The following NEBL variants were observed in gnomAD, a reference collection of about 807,000 sequenced individuals.
NEBL encodes the protein nebulette, also known as LIM and SH3 protein 2.
A neutral mutation model predicts 140.2 loss-of-function variants in NEBL; 122 were observed. The observed-to-expected ratio is 0.87, with a 90% CI of 0.75 to 1.01. The LOEUF (loss-of-function observed/expected upper bound fraction) is 1.01, where lower values mean the gene tolerates loss of function less well. NEBL is among the 50% of genes least tolerant of loss of function. The pLI, the probability that NEBL is intolerant of heterozygous loss-of-function variation, is 0.00. For missense variants in NEBL, 1,365 were observed against 1,231.3 expected (o/e 1.11, Z -1.62); for synonymous variants, 436 against 398.9 (o/e 1.09, Z -1.11).
rs895434593 is a variant in NEBL at position 20,780,373 on chromosome 10, G to A, written c.*5374C>T. 6.6e-6 allele frequency: 1 copy of A among 152,144 alleles called. No homozygotes were observed. The highest frequency in any genetic ancestry group is 1.5e-5 in the Non-Finnish European group (1 of 68,032). The allele number at this position is 152,144 out of a possible 1,614,324, so 9.4% of individuals were successfully genotyped here. Reference sequence around the variant, plus strand: ...AAATTAACTACAATGATGCATTGTTGCGGTACTTTGATATAAAATCAGAAA... The same window carrying A: ...AAATTAACTACAATGATGCATTGTTACGGTACTTTGATATAAAATCAGAAA... On this transcript the variant is annotated 3_prime_UTR_variant, in exon 28 of 28. Coordinates refer to ENST00000377122, the MANE Select transcript of NEBL (RefSeq NM_006393.3).
At chr10:21,144,240 C>G (rs759483178) in intron 2 of NEBL, among the ~76,000 whole-genome samples, 3 of 152,174 alleles carry the variant, frequency 2.0e-5, no homozygotes, top group Admixed American at 1.3e-4. Flanking sequence ...CACTTTTTCC[C>G]AGGATTAGGT....
chr10:20,861,283 T>C (rs1004831714), intron 7 of NEBL, among the ~76,000 whole-genome samples: 4 of 152,136 alleles, frequency 2.6e-5, no homozygotes, highest in Non-Finnish European at 4.4e-5. Flanking sequence ...GTTCACGCCA[T>C]TCTCCTGCCT....
At chr10:21,163,032 G>A (rs533300011) in intron 2 of NEBL, among the ~76,000 whole-genome samples, 1 of 152,296 alleles carries the variant, frequency 6.6e-6, no homozygotes, top group South Asian at 2.1e-4. Flanking sequence ...TTAATCCTAA[G>A]AGATAGAGTC....
At chr10:20,811,531 T>G (rs1183791356) in intron 24 of NEBL, among the ~76,000 whole-genome samples, 3 of 152,228 alleles carry the variant, frequency 2.0e-5, no homozygotes, top group Admixed American at 2.0e-4. Flanking sequence ...AGTAATCAAC[T>G]CAGGCAGATC....
chr10:20,984,217 GTGTA>G (rs1380178458), intron 3 of NEBL, among the ~76,000 whole-genome samples: 2 of 151,648 alleles, frequency 1.3e-5, no homozygotes, highest in African/African-American at 4.8e-5. Flanking sequence ...TATCAAACTT[GTGTA>G]TGCTACATTG....
intron 2 of NEBL, among the ~76,000 whole-genome samples, chr10:21,050,104 T>C (rs1276846084): frequency 6.6e-6 from 1 of 152,202 alleles, no homozygotes; most frequent in Non-Finnish European, 1.5e-5. Context: ...TAATTCAACC[T>C]TATAAACTGC....
intron 1 of NEBL, among the ~76,000 whole-genome samples, chr10:21,288,560 G>A (rs1310577954): frequency 1.4e-5 from 2 of 146,872 alleles, no homozygotes; most frequent in East Asian, 2.1e-4. Flanking sequence ...CAGGAGTTCA[G>A]GACCAGCCTG....
chr10:21,166,219 C>CAAAAAAA (rs1170225891), intron 2 of NEBL, among the ~76,000 whole-genome samples: 21 of 35,330 alleles, frequency 5.9e-4, no homozygotes, highest in South Asian at 1.3e-3. Context: ...GACTGTGTCT[C>CAAAAAAA]AAAAAAAAAA....
chr10:21,075,941 C>G (rs149830160), intron 2 of NEBL, among the ~76,000 whole-genome samples: 29 of 152,144 alleles, frequency 1.9e-4, no homozygotes, highest in Middle Eastern at 3.4e-3. Context: ...TGTTCTACAT[C>G]AAGAATCATT....
At chr10:20,819,060 T>C (rs1207371749) in intron 20 of NEBL, 1 of 1,036,546 alleles carries the variant, frequency 9.6e-7, no homozygotes, top group Non-Finnish European at 1.2e-6. Flanking sequence ...GTTGCTCAAA[T>C]TCATTTTCTT....
intron 2 of NEBL, among the ~76,000 whole-genome samples, chr10:21,035,605 C>T (rs186324008): frequency 3.4e-4 from 52 of 152,182 alleles, no homozygotes; most frequent in African/African-American, 1.2e-3. Context: ...GTGTTCAGTG[C>T]CTTGAATCAG....
chr10:20,953,952 T>C (rs1316812492), intron 4 of NEBL, among the ~76,000 whole-genome samples: 1 of 149,618 alleles, frequency 6.7e-6, no homozygotes, highest in Non-Finnish European at 1.5e-5. Flanking sequence ...CTTGCTCCAC[T>C]ATGGCAGATA....
intron 2 of NEBL, among the ~76,000 whole-genome samples, chr10:21,156,828 A>T (rs549476359): frequency 2.6e-5 from 4 of 152,244 alleles, no homozygotes. Context: ...ATAAATCTTC[A>T]CACTAGAATC....
At chr10:20,937,645 G>A (rs550546928) in intron 4 of NEBL, among the ~76,000 whole-genome samples, 28 of 152,244 alleles carry the variant, frequency 1.8e-4, no homozygotes, top group East Asian at 1.7e-3. Flanking sequence ...GTGAGGCATC[G>A]CCTCACCCAG....
intron 2 of NEBL, among the ~76,000 whole-genome samples, chr10:21,097,952 A>G (rs538379746): frequency 2.6e-5 from 4 of 152,302 alleles, no homozygotes; most frequent in African/African-American, 9.6e-5. Context: ...TACTGCTGTA[A>G]TTTGTGACCC....
chr10:21,146,539 A>G (rs1839904133), intron 2 of NEBL: 1 of 1,573,546 alleles, frequency 6.4e-7, no homozygotes, highest in African/African-American at 1.4e-5. Context: ...AAATGGTGAA[A>G]ATGGTGCTGT....
At chr10:21,289,466 T>G (rs1353257620) in intron 1 of NEBL, among the ~76,000 whole-genome samples, 1 of 152,262 alleles carries the variant, frequency 6.6e-6, no homozygotes, top group African/African-American at 2.4e-5. Flanking sequence ...TTTGGAATTG[T>G]GCCCTTGGCT....
At chr10:20,841,457 C>T (rs1841404511) in intron 12 of NEBL, 1 of 152,872 alleles carries the variant, frequency 6.5e-6, no homozygotes, top group African/African-American at 2.4e-5. Context: ...ATCACAATTA[C>T]TTTAGGTATT....
At chr10:20,933,987 T>A (rs1007557224) in intron 4 of NEBL, among the ~76,000 whole-genome samples, 2 of 152,220 alleles carry the variant, frequency 1.3e-5, no homozygotes, top group Non-Finnish European at 2.9e-5. Context: ...CTTTTGTATT[T>A]TTTGTAAAAG....
Sources: allele counts gnomAD v4.1 joint callset (sites outside exome capture counted in the v4.1 genomes callset), GRCh38; gene constraint gnomAD v4.1.1; transcripts MANE v1.5; gene names NCBI Gene and HGNC (gene_info 2026-07-23, HGNC 2026-07-21).